Variants in CNTN5 observed in about 807,000 individuals in gnomAD.
The protein encoded by CNTN5 is contactin-5.
CNTN5 carries 77 observed loss-of-function variants against 129.1 expected under a neutral mutation model. That is an observed-to-expected ratio of 0.60 (90% CI 0.50 to 0.72). The LOEUF (loss-of-function observed/expected upper bound fraction) is 0.72, where lower values mean the gene tolerates loss of function less well. CNTN5 is among the 30% of genes least tolerant of loss of function. The pLI is 0.00. For synonymous variants in CNTN5, 509 were observed against 465.6 expected (o/e 1.09, Z -1.20); for missense variants, 1,478 against 1,328.8 (o/e 1.11, Z -1.75).
chr11:100,001,206 G>C (rs1939852646), intron 8 of CNTN5, among the ~76,000 whole-genome samples: 1 of 152,254 alleles, frequency 6.6e-6, no homozygotes, highest in Middle Eastern at 3.4e-3. Flanking sequence ...CAATTATGAT[G>C]GAAGGAGAAG....
chr11:99,462,736 T>C (rs1054439681), intron 2 of CNTN5, among the ~76,000 whole-genome samples: 1 of 152,084 alleles, frequency 6.6e-6, no homozygotes, highest in Non-Finnish European at 1.5e-5. Flanking sequence ...ACCTCATTGG[T>C]GAATTACTGA....
At position 99,074,817 on chromosome 11, in the gene CNTN5, A is replaced by C. The variant is rs1311015447; in HGVS notation, c.-210+53547A>C. Reference sequence around the variant, plus strand: ...ATGCCCAGAAAGGCTCAGTAGATTCAAAAAGAAAAAGAAAAAGAAAAACAT... The same window carrying C: ...ATGCCCAGAAAGGCTCAGTAGATTCCAAAAGAAAAAGAAAAAGAAAAACAT... On this transcript the variant is annotated intron_variant, in intron 1 of 24. Coordinates refer to ENST00000524871, the MANE Select transcript of CNTN5 (RefSeq NM_014361.4). Among the ~76,000 whole-genome samples, 3 of 152,140 alleles carry C rather than the reference A, an allele frequency of 2.0e-5. No homozygotes were observed. The East Asian group carries it at 5.8e-4, about 29-fold the overall frequency.
intron 3 of CNTN5, among the ~76,000 whole-genome samples, chr11:99,714,901 G>A (rs772789664): frequency 4.0e-5 from 6 of 149,582 alleles, no homozygotes; most frequent in Non-Finnish European, 5.9e-5. Context: ...ACTATTTTTG[G>A]TAATGTAAAG....
At chr11:99,259,389 A>T in intron 1 of CNTN5, among the ~76,000 whole-genome samples, 1 of 151,610 alleles carries the variant, frequency 6.6e-6, no homozygotes, top group East Asian at 1.9e-4. Flanking sequence ...TAATGTCACC[A>T]TTTTTTTGCT....
chr11:99,355,887 C>T (rs574892417), intron 2 of CNTN5, among the ~76,000 whole-genome samples: 24 of 147,932 alleles, frequency 1.6e-4, no homozygotes, highest in Non-Finnish European at 2.7e-4. Context: ...AGTGCAGTGG[C>T]GCTATCTCGG....
chr11:99,457,265 T>A, intron 2 of CNTN5, among the ~76,000 whole-genome samples: 1 of 151,888 alleles, frequency 6.6e-6, no homozygotes, highest in South Asian at 2.1e-4. Flanking sequence ...TCCCTCATAA[T>A]GAAAAGGAAA....
At chr11:99,914,568 T>C (rs1949740408) in intron 6 of CNTN5, among the ~76,000 whole-genome samples, 1 of 152,148 alleles carries the variant, frequency 6.6e-6, no homozygotes, top group Non-Finnish European at 1.5e-5. Context: ...CCTTGATTTT[T>C]ACTGCTACTG....
intron 4 of CNTN5, among the ~76,000 whole-genome samples, chr11:99,836,116 C>G (rs1947293806): frequency 6.7e-6 from 1 of 150,214 alleles, no homozygotes; most frequent in African/African-American, 2.5e-5. Flanking sequence ...TTGTTCATGC[C>G]TCCCCTTGTT....
At chr11:99,409,063 A>G (rs536997927) in intron 2 of CNTN5, among the ~76,000 whole-genome samples, 1 of 152,354 alleles carries the variant, frequency 6.6e-6, no homozygotes, top group East Asian at 1.9e-4. Flanking sequence ...AGTTTGTTGT[A>G]AGTAATCTAA....
chr11:99,544,856 T>C (rs532685309), intron 2 of CNTN5, among the ~76,000 whole-genome samples: 2 of 152,292 alleles, frequency 1.3e-5, no homozygotes. Context: ...GTCATTACTG[T>C]GTGGGGGAAA....
At chr11:100,121,219 G>A (rs1228794220) in intron 13 of CNTN5, among the ~76,000 whole-genome samples, 1 of 151,942 alleles carries the variant, frequency 6.6e-6, no homozygotes, top group Non-Finnish European at 1.5e-5. Context: ...TTTTGAAAAG[G>A]AGCAATAAAT....
At chr11:99,225,764 A>G (rs1441820394) in intron 1 of CNTN5, among the ~76,000 whole-genome samples, 1 of 152,202 alleles carries the variant, frequency 6.6e-6, no homozygotes, top group Non-Finnish European at 1.5e-5. Context: ...GAAAATATAG[A>G]TGAAATATAG....
chr11:100,129,916 A>G (rs933099169), intron 13 of CNTN5, among the ~76,000 whole-genome samples: 1 of 151,976 alleles, frequency 6.6e-6, no homozygotes, highest in African/African-American at 2.4e-5. Context: ...GCTAATCATT[A>G]GTCGTGGTAA....
At chr11:99,357,769 A>C (rs2136099750) in intron 2 of CNTN5, among the ~76,000 whole-genome samples, 1 of 152,004 alleles carries the variant, frequency 6.6e-6, no homozygotes, top group African/African-American at 2.4e-5. Flanking sequence ...TAGGTATAGA[A>C]AATTAGGTTA....
intron 3 of CNTN5, among the ~76,000 whole-genome samples, chr11:99,733,104 T>G (rs148642936): frequency 6.6e-6 from 1 of 151,926 alleles, no homozygotes; most frequent in African/African-American, 2.4e-5. Context: ...GGTGCATGGA[T>G]CACAAGGTCA....
chr11:99,382,852 T>TTTTTTTTTTTTTTTTTTTTTTG, intron 2 of CNTN5, among the ~76,000 whole-genome samples: 1 of 83,290 alleles, frequency 1.2e-5, no homozygotes, highest in African/African-American at 4.7e-5. Flanking sequence ...TAACTTTTTT[T>TTTTTTTTTTTTTTTTTTTTTTG]TTTTTTTTTT....
chr11:99,053,087 G>A (rs981984309), intron 1 of CNTN5, among the ~76,000 whole-genome samples: 7 of 151,756 alleles, frequency 4.6e-5, no homozygotes, highest in Non-Finnish European at 8.8e-5. Flanking sequence ...TTTAGTCAAT[G>A]TACAATAATC....
intron 9 of CNTN5, among the ~76,000 whole-genome samples, chr11:100,007,592 C>G (rs1348883493): frequency 1.3e-5 from 2 of 152,036 alleles, no homozygotes; most frequent in Non-Finnish European, 2.9e-5. Context: ...TTGCAGCTTC[C>G]TCACCTCTGT....
At chr11:99,638,258 G>T (rs576493421) in intron 3 of CNTN5, among the ~76,000 whole-genome samples, 1 of 152,010 alleles carries the variant, frequency 6.6e-6, no homozygotes. Context: ...AGACTAGCAC[G>T]GGAAAGACCA....
Sources: allele counts gnomAD v4.1 joint callset (sites outside exome capture counted in the v4.1 genomes callset), GRCh38; gene constraint gnomAD v4.1.1; transcripts MANE v1.5; gene names NCBI Gene and HGNC (gene_info 2026-07-23, HGNC 2026-07-21).